Variants in CD300A observed in about 807,000 individuals in gnomAD.
CD300A encodes CD300a molecule.
Under a neutral mutation model 33.6 loss-of-function variants are expected in CD300A, and 22 were observed. The ratio of observed to expected loss-of-function variants is 0.66; its 90% CI spans 0.47 to 0.94. The LOEUF is 0.94. CD300A is among the 40% of genes least tolerant of loss of function. The pLI, the probability that CD300A is intolerant of heterozygous loss-of-function variation, is 0.00. For synonymous variants in CD300A, 136 were observed against 148.1 expected (o/e 0.92, Z 0.59); for missense variants, 326 against 360.5 (o/e 0.90, Z 0.77).
At chr17:74,471,098 C>G (rs192456639) in intron 1 of CD300A, among the ~76,000 whole-genome samples, 11 of 152,316 alleles carry the variant, frequency 7.2e-5, no homozygotes, top group Admixed American at 2.6e-4. Context: ...ACGTGTGCAC[C>G]AGCACACCTG....
chr17:74,469,377 T>C (rs997948715), intron 1 of CD300A, among the ~76,000 whole-genome samples: 1 of 151,124 alleles, frequency 6.6e-6, no homozygotes, highest in Admixed American at 6.6e-5. Flanking sequence ...AAAAAAAAAG[T>C]CTATTCTTGG....
At chr17:74,474,094 G>A (rs948987372) in intron 2 of CD300A, among the ~76,000 whole-genome samples, 1 of 152,126 alleles carries the variant, frequency 6.6e-6, no homozygotes, top group Non-Finnish European at 1.5e-5. Context: ...GAGGCTGAGA[G>A]AGCGTTGCCT....
intron 6 of CD300A, among the ~76,000 whole-genome samples, chr17:74,482,528 G>A (rs950323885): frequency 1.3e-5 from 2 of 151,460 alleles, no homozygotes; most frequent in South Asian, 2.1e-4. Flanking sequence ...TCCCCAGGCC[G>A]CCGTTTTGCA....
intron 2 of CD300A, 128 bp downstream of exon 2, chr17:74,474,002 A>G: frequency 9.5e-7 from 1 of 1,048,856 alleles, no homozygotes; most frequent in South Asian, 1.6e-5. Context: ...GGTGGGGGCC[A>G]GGGGAACACA....
chr17:74,467,679 T>C (rs1327738579), intron 1 of CD300A, among the ~76,000 whole-genome samples: 2 of 152,204 alleles, frequency 1.3e-5, no homozygotes, highest in African/African-American at 2.4e-5. Flanking sequence ...TCTGCAATTA[T>C]ATTTGCTAAC....
At chr17:74,476,677 C>T (rs1004087268) in intron 3 of CD300A, among the ~76,000 whole-genome samples, 6 of 152,136 alleles carry the variant, frequency 3.9e-5, no homozygotes, top group South Asian at 2.1e-4. Context: ...AGCTGCAAGG[C>T]GATTTATAAG....
At chr17:74,469,169 C>CT (rs533604147) in intron 1 of CD300A, among the ~76,000 whole-genome samples, 52 of 150,458 alleles carry the variant, frequency 3.5e-4, no homozygotes, top group East Asian at 9.7e-4. Flanking sequence ...AGTTTTGCTT[C>CT]TTTTTTTTTG....
chr17:74,478,104 C>T (rs539197223), intron 4 of CD300A, among the ~76,000 whole-genome samples: 1 of 152,314 alleles, frequency 6.6e-6, no homozygotes, highest in African/African-American at 2.4e-5. Flanking sequence ...TCAACCTCAG[C>T]CTCTCCTCTC....
chr17:74,482,858 C>T (rs1907001872), intron 6 of CD300A, among the ~76,000 whole-genome samples: 1 of 151,370 alleles, frequency 6.6e-6, no homozygotes, highest in African/African-American at 2.5e-5. Flanking sequence ...CTACAGACAC[C>T]TGCCACTACA....
intron 1 of CD300A, chr17:74,467,071 G>C: frequency 2.6e-6 from 3 of 1,157,318 alleles, no homozygotes; most frequent in Non-Finnish European, 3.3e-6. Flanking sequence ...GATGTGTCAG[G>C]GTGGGTGGAG....
At chr17:74,468,156 T>C (rs1905853729) in intron 1 of CD300A, among the ~76,000 whole-genome samples, 2 of 151,986 alleles carry the variant, frequency 1.3e-5, no homozygotes, top group African/African-American at 4.8e-5. Context: ...TGCCTCAGCC[T>C]CCCGAGTAGC....
chr17:74,472,712 C>T (rs185847317), intron 1 of CD300A, among the ~76,000 whole-genome samples: 2 of 151,602 alleles, frequency 1.3e-5, no homozygotes, highest in African/African-American at 2.4e-5. Flanking sequence ...AGGGTTGAAG[C>T]GATTCTTGTG....
At chr17:74,481,586 C>T (rs1487304520) in intron 5 of CD300A, 140 bp from the exon 6 acceptor site, 11 of 687,722 alleles carry the variant, frequency 1.6e-5, no homozygotes, top group South Asian at 1.2e-4. Context: ...AACTACTGGA[C>T]GGAGTGGGGT....
intron 2 of CD300A, 65 bp from the exon 3 acceptor site, chr17:74,474,467 G>T: frequency 2.0e-6 from 3 of 1,538,060 alleles, no homozygotes; most frequent in Non-Finnish European, 2.7e-6. Context: ...AACCAAAAAG[G>T]CATCCTGAGT....
At chr17:74,474,795 G>A in intron 3 of CD300A, 110 bp downstream of exon 3, 2 of 1,166,812 alleles carry the variant, frequency 1.7e-6, no homozygotes, top group East Asian at 5.6e-5. Context: ...CGCTCCCTTT[G>A]CCCCAGGCCC....
chr17:74,482,704 T>TCC (rs1906963252), intron 6 of CD300A, among the ~76,000 whole-genome samples: 1 of 121,206 alleles, frequency 8.3e-6, no homozygotes, highest in African/African-American at 4.0e-5. Flanking sequence ...CTTCCTTTCT[T>TCC]TCTTTCTTTC....
intron 4 of CD300A, 152 bp downstream of exon 4, chr17:74,477,682 C>T (rs1457596361): frequency 1.8e-6 from 1 of 543,864 alleles, no homozygotes; most frequent in Non-Finnish European, 3.3e-6. Context: ...CAGGGCAGGT[C>T]CCATGGGAGG....
At chr17:74,482,401 TCAGA>T (rs1304889716) in intron 6 of CD300A, among the ~76,000 whole-genome samples, 3 of 151,616 alleles carry the variant, frequency 2.0e-5, no homozygotes, top group Admixed American at 6.6e-5. Context: ...AAGAGGCCCC[TCAGA>T]CAAGTCGTGT....
intron 3 of CD300A, among the ~76,000 whole-genome samples, chr17:74,475,977 T>C (rs907306351): frequency 7.9e-5 from 12 of 152,180 alleles, no homozygotes; most frequent in African/African-American, 2.7e-4. Flanking sequence ...CCAAACAGTT[T>C]CTGTGCCCTC....
Sources: gnomAD v4.1 joint callset for allele counts (sites outside exome capture counted in the v4.1 genomes callset) on GRCh38, gnomAD v4.1.1 for gene constraint, MANE v1.5 for transcripts, NCBI Gene and HGNC (gene_info 2026-07-23, HGNC 2026-07-21) for gene names.